The following KCNIP1 variants were observed in gnomAD, a reference collection of about 807,000 sequenced individuals.
KCNIP1 encodes the protein potassium voltage-gated channel interacting protein 1, also known as A-type potassium channel modulatory protein KCNIP1.
A neutral mutation model predicts 33.0 loss-of-function variants in KCNIP1; 18 were observed. That is an observed-to-expected ratio of 0.55 (90% confidence interval 0.38 to 0.81). The LOEUF (loss-of-function observed/expected upper bound fraction) is 0.81, where lower values mean the gene tolerates loss of function less well. KCNIP1 is among the 30% of genes least tolerant of loss of function. The pLI, the probability that KCNIP1 is intolerant of heterozygous loss-of-function variation, is 0.00. For missense variants in KCNIP1, 238 were observed against 271.6 expected, an observed-to-expected ratio of 0.88 and a Z score of 0.87; for synonymous variants, 93 against 98.3, an observed-to-expected ratio of 0.95 and a Z score of 0.32.
rs75424400 is a variant in KCNIP1 at position 170,571,692 on chromosome 5, C to T, written c.61+67059C>T. Among the ~76,000 whole-genome samples, 18 of 152,174 alleles carry T rather than the reference C, an allele frequency of 1.2e-4. No homozygotes were observed. In the East Asian group the frequency reaches 3.1e-3, roughly 26 times the overall value. On this transcript the variant is annotated intron_variant, in intron 1 of 7. Transcript: ENST00000328939. ...ACAGTCCAGGGCTAAGCAGGGTTGC[C>T]GGTACATGGCAGGCACTCAGTAGAC...
chr5:170,471,350 A>G (rs1221680053), intron 1 of KCNIP1, among the ~76,000 whole-genome samples: 1 of 152,232 alleles, frequency 6.6e-6, no homozygotes, highest in Non-Finnish European at 1.5e-5. Context: ...CCCCAGTCCC[A>G]ATACCTTGTC....
intron 7 of KCNIP1, 76 bp from the exon 8 acceptor site, chr5:170,735,683 A>G: frequency 7.8e-7 from 1 of 1,284,818 alleles, no homozygotes; most frequent in Non-Finnish European, 1.1e-6. Flanking sequence ...CATGCTTGAC[A>G]TTTGCTCACC....
intron 1 of KCNIP1, among the ~76,000 whole-genome samples, chr5:170,718,320 C>G (rs1388781027): frequency 1.3e-5 from 2 of 152,094 alleles, no homozygotes; most frequent in Non-Finnish European, 1.5e-5. Flanking sequence ...CTAGTTGGCC[C>G]CAATGGTGAG....
intron 1 of KCNIP1, among the ~76,000 whole-genome samples, chr5:170,549,002 C>T (rs976086615): frequency 3.3e-5 from 5 of 152,148 alleles, no homozygotes; most frequent in South Asian, 2.1e-4. Flanking sequence ...AAGTAGTACA[C>T]TAGGGACCTC....
At chr5:170,449,950 G>C (rs1297853614) in intron 1 of KCNIP1, among the ~76,000 whole-genome samples, 1 of 145,034 alleles carries the variant, frequency 6.9e-6, no homozygotes, top group African/African-American at 2.8e-5. Context: ...TTTTGCAAAA[G>C]TTTTGGGAAA....
At position 170,722,794 on chromosome 5, in the gene KCNIP1, A is replaced by G; in HGVS notation, c.409A>G (p.Asn137Asp). 3 of 1,613,364 alleles carry G rather than the reference A, an allele frequency of 1.9e-6. No individual in the cohort carries two copies. The highest frequency in any genetic ancestry group is 2.5e-6 in the Non-Finnish European group (3 of 1,179,288). The change falls in exon 5 of 8, where the codon AAC (asparagine) becomes GAC (aspartate). Residue 137 changes from asparagine (N) to aspartate (D), a missense_variant. By Grantham distance (23) the Asn-to-Asp change is conservative. Transcript: ENST00000328939. ...GTGGACATTTAATTTGTATGACATC[A>G]ACAAGGACGGATACATAAACAAAGA... is the stretch of plus-strand genomic sequence containing the variant. The part of the protein sequence containing the change: ...LRWTFNLYDI[N>D]KDGYINKEEM...
chr5:170,571,748 A>G (rs940005698), intron 1 of KCNIP1, among the ~76,000 whole-genome samples: 7 of 152,168 alleles, frequency 4.6e-5, no homozygotes, highest in Non-Finnish European at 1.0e-4. Flanking sequence ...CAATAATGGG[A>G]CCGTGCTTAA....
At position 170,628,721 on chromosome 5, in the gene KCNIP1, G is replaced by A. The variant is rs74698444; in HGVS notation, c.62-90037G>A. ...GCCTGGTTGTCCTGCGAAGACACCC[G>A]TCAATACATGAATATTGACACACAA... On this transcript the variant is annotated intron_variant, in intron 1 of 7. Transcript: ENST00000328939. Among the ~76,000 whole-genome samples, 492 of 152,296 alleles carry A rather than the reference G, an allele frequency of 3.2e-3. 3 individuals are homozygous for A. Among genetic ancestry groups the A allele is most frequent in the African/African-American group, 0.011 (462 of 41,550 alleles).
rs1554088941 is a variant in KCNIP1 at position 170,390,517 on chromosome 5, A to ATATATAT, written c.88+36553_88+36554insTATATAT. On this transcript the variant is annotated intron_variant, in intron 1 of 7. Transcript: ENST00000377360. ...GACCCCGTCTCAAAAAAAAAAAACA[A>ATATATAT]ATATATATATATATATATATATTTT... 1.2e-3 allele frequency among the ~76,000 whole-genome samples: 86 copies of ATATATAT among 74,366 alleles called. 3 individuals are homozygous for ATATATAT. Among genetic ancestry groups the ATATATAT allele is most frequent in the African/African-American group, 1.7e-3 (27 of 15,612 alleles). The allele number at this position is 74,366 out of a possible 152,430, so 48.8% of individuals were successfully genotyped here. A position where few individuals can be genotyped will look rare whatever the true frequency, so the allele number is the denominator to read the frequency against.
intron 1 of KCNIP1, among the ~76,000 whole-genome samples, chr5:170,360,806 A>G (rs2113286896): frequency 6.6e-6 from 1 of 152,376 alleles, no homozygotes; most frequent in South Asian, 2.1e-4. Context: ...ACCTAGAGTG[A>G]GTGCCTCAAG....
chr5:170,485,640 C>G (rs1472746410), intron 1 of KCNIP1, among the ~76,000 whole-genome samples: 1 of 152,218 alleles, frequency 6.6e-6, no homozygotes, highest in Non-Finnish European at 1.5e-5. Flanking sequence ...GCTTCACTTC[C>G]CTTCCCAAAG....
In KCNIP1 at chr5:170,406,739, C is replaced by T. The variant is rs560477664; in HGVS notation, c.88+52775C>T. Among the ~76,000 whole-genome samples, 18 of 152,288 alleles carry T rather than the reference C, an allele frequency of 1.2e-4. No homozygotes were observed. The East Asian group carries it at 3.3e-3, about 28-fold the overall frequency. On this transcript the variant is annotated intron_variant, in intron 1 of 7. Transcript: ENST00000377360. Reference sequence around the variant, plus strand: ...CTCCCTCTTAGGCTCCTTCCTCATTCCGAGGCCTGGAGGGTCTTTGCACAG... The same window carrying T: ...CTCCCTCTTAGGCTCCTTCCTCATTTCGAGGCCTGGAGGGTCTTTGCACAG...
chr5:170,561,159 G>A (rs779169907), intron 1 of KCNIP1: 9 of 454,900 alleles, frequency 2.0e-5, no homozygotes, highest in Admixed American at 7.1e-5. Flanking sequence ...ATGCTCCTTC[G>A]AGGGCTGAGA....
intron 1 of KCNIP1, among the ~76,000 whole-genome samples, chr5:170,660,371 TAAA>T (rs61001714): frequency 0.1 from 14,419 of 137,932 alleles, 1,260 homozygotes; most frequent in African/African-American, 0.25. Flanking sequence ...ATGATTTTTA[TAAA>T]AAAAAAAAAA....
chr5:170,553,400 T>C (rs1483624224), intron 1 of KCNIP1, among the ~76,000 whole-genome samples: 1 of 152,208 alleles, frequency 6.6e-6, no homozygotes, highest in Non-Finnish European at 1.5e-5. Context: ...TCCCATTTCA[T>C]GGATGAGGAA....
intron 1 of KCNIP1, among the ~76,000 whole-genome samples, chr5:170,401,190 C>G (rs1754893363): frequency 6.6e-6 from 1 of 152,194 alleles, no homozygotes. Context: ...ACAGGGCTGG[C>G]AGTCCCAGGA....
chr5:170,644,496 C>T (rs949766723), intron 1 of KCNIP1, among the ~76,000 whole-genome samples: 3 of 152,198 alleles, frequency 2.0e-5, no homozygotes, highest in African/African-American at 7.2e-5. Flanking sequence ...GCCTGAGCAC[C>T]TGCATCTCAC....
At chr5:170,449,006 C>T (rs1351070995) in intron 1 of KCNIP1, among the ~76,000 whole-genome samples, 4 of 152,160 alleles carry the variant, frequency 2.6e-5, no homozygotes, top group South Asian at 2.1e-4. Flanking sequence ...TTCAAGGAAG[C>T]GAATTCTCCT....
chr5:170,428,805 A>G (rs886326397), intron 1 of KCNIP1, among the ~76,000 whole-genome samples: 2 of 151,996 alleles, frequency 1.3e-5, no homozygotes, highest in Non-Finnish European at 2.9e-5. Context: ...GCCTGGTTCT[A>G]TGTCCCTGCC....
Sources: allele counts gnomAD v4.1 joint callset (sites outside exome capture counted in the v4.1 genomes callset), GRCh38; gene constraint gnomAD v4.1.1; transcripts MANE v1.5; gene names NCBI Gene and HGNC (gene_info 2026-07-23, HGNC 2026-07-21).